Variants in ADGRB3 observed in about 807,000 individuals in gnomAD.
ADGRB3 encodes adhesion G protein-coupled receptor B3.
A neutral mutation model predicts 193.4 loss-of-function variants in ADGRB3; 37 were observed. That is an observed-to-expected ratio of 0.19 (90% CI 0.15 to 0.25). The LOEUF is 0.25. ADGRB3 is among the 10% of genes least tolerant of loss of function. ADGRB3 has a pLI of 1.00. For synonymous variants in ADGRB3, 690 were observed against 644.2 expected (o/e 1.07, Z -1.08); for missense variants, 1,637 against 1,852.9 (o/e 0.88, Z 2.14).
At chr6:69,185,767 A>C (rs1454070780) in intron 17 of ADGRB3, among the ~76,000 whole-genome samples, 1 of 152,190 alleles carries the variant, frequency 6.6e-6, no homozygotes, top group Non-Finnish European at 1.5e-5. Flanking sequence ...CAAAGTATAC[A>C]TGATGACTTC....
At chr6:68,964,078 C>T (rs767959512) in intron 8 of ADGRB3, among the ~76,000 whole-genome samples, 1 of 152,034 alleles carries the variant, frequency 6.6e-6, no homozygotes, top group Non-Finnish European at 1.5e-5. Context: ...CATTTCATGG[C>T]CTTTCAGTGT....
chr6:68,720,213 G>GGAAATTTTCTGGA (rs1765553205), intron 3 of ADGRB3, among the ~76,000 whole-genome samples: 1 of 151,632 alleles, frequency 6.6e-6, no homozygotes, highest in African/African-American at 2.4e-5. Flanking sequence ...TCTGGAAGTT[G>GGAAATTTTCTGGA]ATTTTTCTGG....
intron 3 of ADGRB3, among the ~76,000 whole-genome samples, chr6:68,679,026 T>A (rs1764828826): frequency 6.6e-6 from 1 of 152,196 alleles, no homozygotes; most frequent in Admixed American, 6.5e-5. Context: ...CCTATTTTAC[T>A]GAGTTATTCT....
chr6:68,987,626 A>G (rs1329988101), intron 10 of ADGRB3, among the ~76,000 whole-genome samples: 1 of 152,170 alleles, frequency 6.6e-6, no homozygotes, highest in Non-Finnish European at 1.5e-5. Flanking sequence ...AGTTAAGCAC[A>G]TGAACTAAGG....
chr6:68,764,669 A>T lies in ADGRB3; in HGVS notation c.757+125237A>T, dbSNP rs192440579. On this transcript the variant is annotated intron_variant, in intron 3 of 31. Transcript: ENST00000370598. ...AAGATAGAGATGGAAGCCTTTTAAAATTGTCCTTTAAAATTATATTCTTTT... is the reference window on the plus strand; with the variant it reads ...AAGATAGAGATGGAAGCCTTTTAAATTTGTCCTTTAAAATTATATTCTTTT... Among the ~76,000 whole-genome samples, 8 of 152,304 alleles carry T rather than the reference A, an allele frequency of 5.3e-5. No homozygotes were observed. The East Asian group carries it at 1.4e-3, about 26-fold the overall frequency.
At chr6:68,654,095 T>C (rs572162816) in intron 3 of ADGRB3, among the ~76,000 whole-genome samples, 72 of 152,216 alleles carry the variant, frequency 4.7e-4, no homozygotes, top group African/African-American at 1.7e-3. Flanking sequence ...AATCACTTAG[T>C]AAGCACTGCT....
Position 68,812,839 on chromosome 6 carries a change from C to T in ADGRB3, c.758-117720C>T, listed in dbSNP as rs575592570. On this transcript the variant is annotated intron_variant, in intron 3 of 31. Coordinates refer to ENST00000370598, the MANE Select transcript of ADGRB3 (RefSeq NM_001704.3). The stretch of plus-strand genomic sequence containing the variant: ...TCCCTCCCCTAGCCCCCCAACCCCC[C>T]ACAGGCCCCAGTGTGTGATGTTCCC... Among the ~76,000 whole-genome samples the T allele has an allele frequency of 2.5e-3, 376 of 151,726 alleles. 2 individuals carry two copies. The highest frequency in any genetic ancestry group is 8.3e-3 in the African/African-American group (342 of 41,312).
At chr6:69,213,353 G>A (rs1237769124) in intron 17 of ADGRB3, among the ~76,000 whole-genome samples, 1 of 152,136 alleles carries the variant, frequency 6.6e-6, no homozygotes, top group East Asian at 1.9e-4. Context: ...AATCACAAAT[G>A]TAAAGAGAAA....
At chr6:69,304,159 C>T (rs561673685) in intron 20 of ADGRB3, among the ~76,000 whole-genome samples, 2 of 151,770 alleles carry the variant, frequency 1.3e-5, no homozygotes, top group East Asian at 3.9e-4. Flanking sequence ...TTTTATCACT[C>T]TTGGTTTATA....
At chr6:68,646,598 T>A (rs1035736654) in intron 3 of ADGRB3, among the ~76,000 whole-genome samples, 3 of 152,188 alleles carry the variant, frequency 2.0e-5, no homozygotes, top group African/African-American at 7.2e-5. Flanking sequence ...TGTTTTTATT[T>A]GTTGTTTTGT....
chr6:68,671,167 G>T (rs945579721), intron 3 of ADGRB3, among the ~76,000 whole-genome samples: 3 of 151,816 alleles, frequency 2.0e-5, no homozygotes, highest in Admixed American at 2.0e-4. Context: ...GGGAATCTAG[G>T]TTTTCCTAAA....
At chr6:68,743,653 CA>C (rs1483372642) in intron 3 of ADGRB3, among the ~76,000 whole-genome samples, 10 of 151,796 alleles carry the variant, frequency 6.6e-5, no homozygotes, top group Non-Finnish European at 1.2e-4. Context: ...AGAAATTCCC[CA>C]AAATATGAGA....
At chr6:68,926,656 G>A (rs778741306) in intron 3 of ADGRB3, among the ~76,000 whole-genome samples, 10 of 152,084 alleles carry the variant, frequency 6.6e-5, no homozygotes, top group Non-Finnish European at 1.5e-4. Flanking sequence ...TTGCTAGATA[G>A]ATTACAGTAA....
At chr6:68,931,166 T>A (rs1562090424) in intron 4 of ADGRB3, among the ~76,000 whole-genome samples, 1 of 151,948 alleles carries the variant, frequency 6.6e-6, no homozygotes, top group African/African-American at 2.4e-5. Flanking sequence ...AAGAGTTTTG[T>A]TATATAAGCT....
chr6:68,765,896 A>G (rs1766499800), intron 3 of ADGRB3, among the ~76,000 whole-genome samples: 1 of 151,968 alleles, frequency 6.6e-6, no homozygotes, highest in South Asian at 2.1e-4. Context: ...TTGGTAAGTT[A>G]TGTATTTCTA....
chr6:69,304,952 A>G (rs1768033055), intron 20 of ADGRB3, among the ~76,000 whole-genome samples: 1 of 151,642 alleles, frequency 6.6e-6, no homozygotes, highest in Admixed American at 6.6e-5. Flanking sequence ...GTTTAGAGTC[A>G]TATAAGAATA....
intron 3 of ADGRB3, among the ~76,000 whole-genome samples, chr6:68,671,887 T>C (rs765768550): frequency 6.6e-6 from 1 of 152,048 alleles, no homozygotes; most frequent in African/African-American, 2.4e-5. Flanking sequence ...AGTAAAGCCA[T>C]GAGTCCCAGG....
chr6:68,691,829 A>G (rs1302460237), intron 3 of ADGRB3, among the ~76,000 whole-genome samples: 2 of 117,084 alleles, frequency 1.7e-5, no homozygotes, highest in African/African-American at 6.8e-5. Context: ...CTAATCCTTA[A>G]TTAGAAGGAC....
chr6:68,648,113 G>A (rs1198212530), intron 3 of ADGRB3, among the ~76,000 whole-genome samples: 1 of 152,112 alleles, frequency 6.6e-6, no homozygotes, highest in African/African-American at 2.4e-5. Flanking sequence ...GAATGACCTA[G>A]CTACACGGCT....
Sources: gnomAD v4.1 joint callset for allele counts (sites outside exome capture counted in the v4.1 genomes callset) on GRCh38, gnomAD v4.1.1 for gene constraint, MANE v1.5 for transcripts, NCBI Gene and HGNC (gene_info 2026-07-23, HGNC 2026-07-21) for gene names.